The following PGM5 variants were observed in gnomAD, a reference collection of about 807,000 sequenced individuals.
PGM5 encodes phosphoglucomutase-like protein 5.
In PGM5, 23 loss-of-function variants were observed where a neutral mutation model predicts 59.2. The ratio of observed to expected loss-of-function variants is 0.39; its 90% CI spans 0.28 to 0.55. The LOEUF is 0.55. PGM5 is among the 20% of genes least tolerant of loss of function. PGM5 has a pLI of 0.66. For synonymous variants in PGM5, 214 were observed against 286.0 expected (o/e 0.75, Z 2.54); for missense variants, 574 against 748.3 (o/e 0.77, Z 2.72).
intron 4 of PGM5, among the ~76,000 whole-genome samples, chr9:68,388,683 G>T (rs2132007168): frequency 6.6e-6 from 1 of 152,148 alleles, no homozygotes; most frequent in African/African-American, 2.4e-5. Flanking sequence ...ATTAATATTT[G>T]ACTGATATGG....
At chr9:68,371,091 C>T (rs1374531022) in intron 1 of PGM5, among the ~76,000 whole-genome samples, 3 of 152,108 alleles carry the variant, frequency 2.0e-5, no homozygotes, top group African/African-American at 4.8e-5. Context: ...GTCCACTTTG[C>T]CCCCTTTTCC....
chr9:68,374,690 A>T (rs1821833564), intron 1 of PGM5, among the ~76,000 whole-genome samples: 1 of 151,336 alleles, frequency 6.6e-6, no homozygotes, highest in Admixed American at 6.6e-5. Context: ...GCCACTCTTC[A>T]AGGTATTTTT....
intron 10 of PGM5, among the ~76,000 whole-genome samples, chr9:68,526,917 A>G (rs1824984184): frequency 6.6e-6 from 1 of 152,260 alleles, no homozygotes; most frequent in African/African-American, 2.4e-5. Flanking sequence ...TAATTAGTAC[A>G]ATAGGCATTA....
chr9:68,499,136 A>G (rs1404962517), intron 9 of PGM5, 91 bp from the exon 10 acceptor site: 1 of 1,403,692 alleles, frequency 7.1e-7, no homozygotes, highest in Non-Finnish European at 1.0e-6. Context: ...GTTGAGGTAT[A>G]AAAACATGCT....
chr9:68,458,328 C>T (rs138108568), intron 6 of PGM5, among the ~76,000 whole-genome samples: 1,687 of 152,268 alleles, frequency 0.011, 18 homozygotes, highest in Non-Finnish European at 0.016. Context: ...CCCATGACAC[C>T]TACCTAAAAT....
rs1370477399 is a variant in PGM5, at chr9:68,454,743, C to T, written c.1044-10350C>T. Among the ~76,000 whole-genome samples the T allele has an allele frequency of 2.6e-5, 4 of 152,182 alleles. No homozygotes were observed. In the East Asian group the frequency reaches 5.8e-4, roughly 22 times the overall value. ...GGGACTGAGAGTCCCTACTCTCCTCCGTGCTAAGACATTAAACTGGATTCC... is the reference window on the plus strand; with the variant it reads ...GGGACTGAGAGTCCCTACTCTCCTCTGTGCTAAGACATTAAACTGGATTCC... On this transcript the variant is annotated intron_variant, in intron 6 of 10. Transcript: ENST00000396396.
At chr9:68,458,635 T>C (rs1435099744) in intron 6 of PGM5, among the ~76,000 whole-genome samples, 1 of 151,884 alleles carries the variant, frequency 6.6e-6, no homozygotes, top group Non-Finnish European at 1.5e-5. Flanking sequence ...AAGGCAGGGG[T>C]TATTTAATAT....
At chr9:68,503,144 A>G (rs1485392260) in intron 10 of PGM5, among the ~76,000 whole-genome samples, 4 of 152,244 alleles carry the variant, frequency 2.6e-5, no homozygotes, top group Non-Finnish European at 5.9e-5. Flanking sequence ...GAAATAAAGT[A>G]TAGAGCCATT....
At chr9:68,518,260 ATCT>A (rs1452149501) in intron 10 of PGM5, among the ~76,000 whole-genome samples, 1 of 152,220 alleles carries the variant, frequency 6.6e-6, no homozygotes, top group Non-Finnish European at 1.5e-5. Flanking sequence ...CATGGCTCTG[ATCT>A]TCTGGCTCCC....
intron 6 of PGM5, among the ~76,000 whole-genome samples, chr9:68,408,618 C>T (rs1418070326): frequency 2.0e-5 from 3 of 152,264 alleles, no homozygotes; most frequent in South Asian, 2.1e-4. Context: ...CTTGCCATTG[C>T]TTTTGGTGTT....
At chr9:68,360,069 T>C (rs1834548896) in intron 1 of PGM5, among the ~76,000 whole-genome samples, 1 of 152,078 alleles carries the variant, frequency 6.6e-6, no homozygotes, top group Admixed American at 6.6e-5. Flanking sequence ...AGTCTCAAAC[T>C]CCTGATCTCA....
At chr9:68,391,967 C>A (rs1198307219) in intron 5 of PGM5, among the ~76,000 whole-genome samples, 2 of 152,012 alleles carry the variant, frequency 1.3e-5, no homozygotes, top group African/African-American at 4.8e-5. Context: ...TATATTATTC[C>A]ATAAACCTTT....
intron 6 of PGM5, among the ~76,000 whole-genome samples, chr9:68,408,296 G>C (rs1318932897): frequency 1.3e-5 from 2 of 152,222 alleles, no homozygotes; most frequent in Non-Finnish European, 1.5e-5. Context: ...CTGCAGGTAG[G>C]CATGCCATTG....
intron 6 of PGM5, among the ~76,000 whole-genome samples, chr9:68,435,413 C>A (rs1464547057): frequency 2.0e-5 from 3 of 152,118 alleles, no homozygotes; most frequent in Non-Finnish European, 4.4e-5. Flanking sequence ...TAGCTATCAC[C>A]CCATCATACA....
At chr9:68,409,730 TG>T (rs1362343742) in intron 6 of PGM5, among the ~76,000 whole-genome samples, 1 of 65,132 alleles carries the variant, frequency 1.5e-5, no homozygotes, top group Non-Finnish European at 2.8e-5. Flanking sequence ...TGTTGTGGGG[TG>T]GGGGGAGGGG....
chr9:68,463,141 A>G (rs1823881858), intron 6 of PGM5, among the ~76,000 whole-genome samples: 1 of 151,920 alleles, frequency 6.6e-6, no homozygotes, highest in African/African-American at 2.4e-5. Context: ...GGGTTTGTGA[A>G]AAGGGAGGTG....
Position 68,388,210 on chromosome 9 carries a change from G to A in PGM5, c.697+622G>A, listed in dbSNP as rs555203279. On this transcript the variant is annotated intron_variant, in intron 4 of 10. Coordinates refer to ENST00000396396, the MANE Select transcript of PGM5 (RefSeq NM_021965.4). ...CAGTTTGGTAAGATCATTATCTAGT[G>A]TTTACATTACCACAACACTGCTGAG... Among the ~76,000 whole-genome samples the A allele has an allele frequency of 1.3e-3, 174 of 138,610 alleles. 1 individual carries two copies. Among genetic ancestry groups the A allele is most frequent in the South Asian group, 5.7e-3 (23 of 4,012 alleles). 90.9% of individuals were successfully genotyped at this position (138,610 alleles called of 152,430 possible).
intron 1 of PGM5, among the ~76,000 whole-genome samples, chr9:68,369,362 C>T (rs868923021): frequency 6.6e-6 from 1 of 152,206 alleles, no homozygotes; most frequent in Non-Finnish European, 1.5e-5. Flanking sequence ...GGGCACTCAA[C>T]TCTGCTTTCT....
chr9:68,467,553 T>G (rs1390902403), intron 7 of PGM5, among the ~76,000 whole-genome samples: 2 of 152,220 alleles, frequency 1.3e-5, no homozygotes, highest in Non-Finnish European at 2.9e-5. Context: ...AAAAGTAATT[T>G]CTTAATAATT....
Sources: allele counts gnomAD v4.1 joint callset (sites outside exome capture counted in the v4.1 genomes callset), GRCh38; gene constraint gnomAD v4.1.1; transcripts MANE v1.5; gene names NCBI Gene and HGNC (gene_info 2026-07-23, HGNC 2026-07-21).